Variants in ATP2B2 observed in about 807,000 individuals in gnomAD.
ATP2B2 encodes plasma membrane calcium-transporting ATPase 2.
In ATP2B2, 15 loss-of-function variants were observed where a neutral mutation model predicts 120.0. That is an observed-to-expected ratio of 0.12 (90% CI 0.08 to 0.19). The LOEUF (loss-of-function observed/expected upper bound fraction) is 0.19, where lower values mean the gene tolerates loss of function less well. ATP2B2 is among the 10% of genes least tolerant of loss of function. ATP2B2 has a pLI of 1.00. For missense variants in ATP2B2, 1,045 were observed against 1,719.8 expected (o/e 0.61, Z 6.94); for synonymous variants, 694 against 700.3 (o/e 0.99, Z 0.14).
chr3:10,685,836 T>C (rs756273511), intron 1 of ATP2B2, among the ~76,000 whole-genome samples: 54 of 152,238 alleles, frequency 3.5e-4, no homozygotes, highest in Non-Finnish European at 6.0e-4. Context: ...ACTGATTTCT[T>C]CTTTAAGCCC....
At chr3:10,693,212 C>T (rs1269118672) in intron 1 of ATP2B2, among the ~76,000 whole-genome samples, 1 of 152,210 alleles carries the variant, frequency 6.6e-6, no homozygotes, top group Non-Finnish European at 1.5e-5. Context: ...TCTGATGACA[C>T]AGTTGAAAGA....
intron 22 of ATP2B2, 38 bp downstream of exon 22, chr3:10,338,138 G>T: frequency 6.2e-7 from 1 of 1,612,468 alleles, no homozygotes; most frequent in South Asian, 1.1e-5. Flanking sequence ...GGCCCGCCCC[G>T]GCCAGGCCTG....
intron 2 of ATP2B2, among the ~76,000 whole-genome samples, chr3:10,446,570 A>C (rs936126388): frequency 6.6e-6 from 1 of 152,208 alleles, no homozygotes; most frequent in African/African-American, 2.4e-5. Context: ...GCAAGTGGCA[A>C]AGCTGGGATT....
At chr3:10,507,974 C>T (rs998768461), upstream of ATP2B2, among the ~76,000 whole-genome samples, 17 of 152,096 alleles carry the variant, frequency 1.1e-4, no homozygotes, top group Admixed American at 2.6e-4. Context: ...CCCTGACACT[C>T]GTCCGCTCCC....
At chr3:10,413,546 G>A (rs547346149) in intron 2 of ATP2B2, among the ~76,000 whole-genome samples, 1 of 152,232 alleles carries the variant, frequency 6.6e-6, no homozygotes, top group South Asian at 2.1e-4. Context: ...GGCCCTGAGA[G>A]CCCAGGGTAG....
At position 10,328,994 on chromosome 3, in the gene ATP2B2, G is replaced by C; in HGVS notation, c.3552C>G (p.Leu1184=). ...CTTCTTCCAGGTCGGTGTCATCAAT[G>C]AGGGGGATGTGGGGCTGGGAATCTT... ...RIEDSQPHIP[L]IDDTDLEEDA... The change falls in exon 23 of 23, where the codon CTC becomes CTG. Residue 1184 remains leucine (L), a synonymous_variant. Transcript: ENST00000360273. 6.2e-7 allele frequency: 1 copy of C among 1,614,048 alleles called. No individual in the cohort carries two copies.
At chr3:10,585,861 C>G (rs536747853) in intron 2 of ATP2B2, among the ~76,000 whole-genome samples, 87 of 152,302 alleles carry the variant, frequency 5.7e-4, no homozygotes, top group Non-Finnish European at 1.1e-3. Flanking sequence ...TCTCTATTTG[C>G]TTTCGTGTTC....
intron 2 of ATP2B2, among the ~76,000 whole-genome samples, chr3:10,539,171 T>G (rs907379658): frequency 6.6e-6 from 1 of 152,170 alleles, no homozygotes; most frequent in Non-Finnish European, 1.5e-5. Context: ...ACAAGGGATG[T>G]GAAGGACCTC....
chr3:10,532,445 C>T (rs2125477211), intron 3 of ATP2B2, among the ~76,000 whole-genome samples: 1 of 152,314 alleles, frequency 6.6e-6, no homozygotes, highest in Non-Finnish European at 1.5e-5. Context: ...CTGGTTTCCA[C>T]TGATGGGCAT....
intron 1 of ATP2B2, among the ~76,000 whole-genome samples, chr3:10,642,444 A>G: frequency 6.6e-6 from 1 of 152,156 alleles, no homozygotes; most frequent in East Asian, 1.9e-4. Context: ...TCAGGAGCCT[A>G]TAGTCTCTTG....
intron 2 of ATP2B2, among the ~76,000 whole-genome samples, chr3:10,425,145 C>CAT (rs2063107197): frequency 4.9e-5 from 6 of 121,296 alleles, no homozygotes; most frequent in African/African-American, 1.1e-4. Context: ...TATATATATA[C>CAT]GTATATATAT....
chr3:10,694,409 T>C (rs545440832), intron 1 of ATP2B2, among the ~76,000 whole-genome samples: 3 of 152,358 alleles, frequency 2.0e-5, no homozygotes, highest in African/African-American at 7.2e-5. Flanking sequence ...ATAAATGACA[T>C]CATGCAGTAT....
At chr3:10,661,334 T>C (rs1448529243) in intron 1 of ATP2B2, among the ~76,000 whole-genome samples, 2 of 152,198 alleles carry the variant, frequency 1.3e-5, no homozygotes, top group Non-Finnish European at 2.9e-5. Flanking sequence ...GACATGACTG[T>C]ATATCTAGAA....
intron 1 of ATP2B2, among the ~76,000 whole-genome samples, chr3:10,458,329 GT>G (rs1189475843): frequency 6.6e-6 from 1 of 152,186 alleles, no homozygotes; most frequent in Non-Finnish European, 1.5e-5. Flanking sequence ...CAACCCCATG[GT>G]CAGGATGTGC....
Position 10,632,037 on chromosome 3 carries a change from A to G in ATP2B2, c.-459-12076T>C, listed in dbSNP as rs572348722. On this transcript the variant is annotated intron_variant, in intron 1 of 21. Coordinates refer to the ATP2B2 transcript ENST00000646379. ...ACCCTCAGGTTCTAGGCTTGGCTTG[A>G]CTGCTATCTCTGTGTGACTTTAGAA... is the stretch of plus-strand genomic sequence containing the variant. Among the ~76,000 whole-genome samples, 14 of 152,232 alleles carry G rather than the reference A, an allele frequency of 9.2e-5. No individual in the cohort carries two copies. In the South Asian group the frequency reaches 2.9e-3, roughly 32 times the overall value.
intron 2 of ATP2B2, among the ~76,000 whole-genome samples, chr3:10,576,842 A>G (rs1404119417): frequency 2.0e-5 from 3 of 151,964 alleles, no homozygotes; most frequent in African/African-American, 7.3e-5. Flanking sequence ...AGGTGGGCGG[A>G]TCACAAGGTC....
rs751640440 is a variant in ATP2B2, at chr3:10,346,181, G to T, written c.2405-44C>A. 1 of 1,594,938 alleles carries T rather than the reference G, an allele frequency of 6.3e-7. No individual in the cohort carries two copies. The highest frequency in any genetic ancestry group is 2.2e-5 in the East Asian group (1 of 44,764). On this transcript the variant is annotated intron_variant, in intron 16 of 22. Transcript: ENST00000360273. The surrounding 1 kb of genome is among the most constrained non-coding windows in gnomAD (Gnocchi z 4.1). ...GCTCAGGCCCTGGGCCACTCAGGTG[G>T]GAGGCAGCCTGGGCCAGCCCTGGTC... is the stretch of plus-strand genomic sequence containing the variant.
chr3:10,336,329 T>A (rs943359493), intron 22 of ATP2B2: 1 of 1,547,282 alleles, frequency 6.5e-7, no homozygotes, highest in African/African-American at 1.4e-5. Flanking sequence ...CGAGACAAGT[T>A]GCGAGAAGAA....
rs1194915042 is a variant in ATP2B2 at position 10,647,911 on chromosome 3, AGAG to A, written c.-459-27953_-459-27951del. Among the ~76,000 whole-genome samples, 10 of 152,334 alleles carry A rather than the reference AGAG, an allele frequency of 6.6e-5. No homozygotes were observed. In the East Asian group the frequency reaches 7.7e-4, roughly 12 times the overall value. On this transcript the variant is annotated intron_variant, in intron 1 of 21. Transcript: ENST00000646379. ...CAGACATCCAGAAAAGGTGAAGGGA[AGAG>A]GATGAATTCCACACACAATGGTCTT...
Sources: gnomAD v4.1 joint callset for allele counts (sites outside exome capture counted in the v4.1 genomes callset) on GRCh38, gnomAD v4.1.1 for gene constraint, Gnocchi (gnomAD v3.1) non-coding constraint, MANE v1.5 for transcripts, NCBI Gene and HGNC (gene_info 2026-07-23, HGNC 2026-07-21) for gene names.